Variants in DCAF8L2 observed in about 807,000 individuals in gnomAD.
DCAF8L2 encodes DDB1- and CUL4-associated factor 8-like protein 2.
For synonymous variants in DCAF8L2, 200 were observed against 190.9 expected, an observed-to-expected ratio of 1.05 and a Z score of -0.39; for missense variants, 430 against 490.7, an observed-to-expected ratio of 0.88 and a Z score of 1.17.
chrX:27,560,740 A>G, the DCAF8L2 span, among the ~76,000 whole-genome samples: 1 of 112,369 alleles, frequency 8.9e-6, no homozygotes, highest in East Asian at 2.8e-4. Flanking sequence ...ATCAGGGGCC[A>G]GTAACACACT....
intron 1 of DCAF8L2, among the ~76,000 whole-genome samples, chrX:27,605,892 C>G (rs1218066571): frequency 9.0e-6 from 1 of 110,856 alleles, no homozygotes; most frequent in African/African-American, 3.3e-5. Context: ...CCTCTTGAAA[C>G]TGGACAGTCC....
chrX:27,694,449 T>G (rs1181961925), intron 3 of DCAF8L2, among the ~76,000 whole-genome samples: 2 of 111,525 alleles, frequency 1.8e-5, no homozygotes, highest in African/African-American at 6.5e-5. Flanking sequence ...ACTTTAAAAA[T>G]ATTAACATTT....
the DCAF8L2 span, among the ~76,000 whole-genome samples, chrX:27,524,402 T>G: frequency 8.9e-6 from 1 of 112,070 alleles, no homozygotes; most frequent in Non-Finnish European, 1.9e-5. Flanking sequence ...TTATTGCATC[T>G]ATTTGATTTT....
At chrX:27,492,629 G>A in the DCAF8L2 span, among the ~76,000 whole-genome samples, 5 of 100,780 alleles carry the variant, frequency 5.0e-5, no homozygotes, top group South Asian at 1.7e-3. Context: ...ACAGGCATGC[G>A]CCACCATGCC....
At chrX:27,540,246 T>C in the DCAF8L2 span, among the ~76,000 whole-genome samples, 2 of 111,617 alleles carry the variant, frequency 1.8e-5, no homozygotes, top group Non-Finnish European at 3.8e-5. Context: ...AAAAGACATT[T>C]TTCCTTCCCT....
At chrX:27,617,355 T>C (rs1254494101) in intron 1 of DCAF8L2, among the ~76,000 whole-genome samples, 1 of 110,831 alleles carries the variant, frequency 9.0e-6, no homozygotes, top group East Asian at 2.9e-4. Context: ...GGGAAATGTA[T>C]GTGCTCTATC....
chrX:27,533,586 T>C, the DCAF8L2 span, among the ~76,000 whole-genome samples: 2 of 111,892 alleles, frequency 1.8e-5, no homozygotes, highest in African/African-American at 3.2e-5. Flanking sequence ...GAGTCAAATA[T>C]GCATTGTGTA....
intron 4 of DCAF8L2, among the ~76,000 whole-genome samples, chrX:27,728,344 T>G (rs189585420): frequency 1.2e-4 from 13 of 111,421 alleles, no homozygotes; most frequent in African/African-American, 4.2e-4. Flanking sequence ...GTTGTTGTTT[T>G]GCTTTCCTCT....
At chrX:27,663,124 A>G (rs1929615722) in intron 2 of DCAF8L2, among the ~76,000 whole-genome samples, 1 of 111,950 alleles carries the variant, frequency 8.9e-6, no homozygotes, top group African/African-American at 3.2e-5. Context: ...ATAGCATAAA[A>G]TAAATTATAG....
chrX:27,608,544 T>C (rs1927012706), intron 1 of DCAF8L2, among the ~76,000 whole-genome samples: 1 of 111,637 alleles, frequency 9.0e-6, no homozygotes, highest in Non-Finnish European at 1.9e-5. Flanking sequence ...ATTTACAGAA[T>C]GGATACTGCA....
chrX:27,561,373 T>C, the DCAF8L2 span, among the ~76,000 whole-genome samples: 1 of 112,231 alleles, frequency 8.9e-6, no homozygotes, highest in Non-Finnish European at 1.9e-5. Context: ...ATCTTATTTT[T>C]AAATGAGGGA....
the DCAF8L2 span, among the ~76,000 whole-genome samples, chrX:27,550,838 T>C: frequency 1.8e-5 from 2 of 110,633 alleles, no homozygotes. Context: ...TTTACACAAT[T>C]AAGGGTTTGG....
chrX:27,507,634 A>C, the DCAF8L2 span, among the ~76,000 whole-genome samples: 1 of 111,932 alleles, frequency 8.9e-6, no homozygotes, highest in Admixed American at 9.6e-5. Context: ...ACATGCTAAT[A>C]ATTCTTCTAA....
At chrX:27,722,422 C>CT (rs1314276262) in intron 4 of DCAF8L2, among the ~76,000 whole-genome samples, 1 of 111,376 alleles carries the variant, frequency 9.0e-6, no homozygotes, top group East Asian at 2.8e-4. Context: ...GTGCTCGAAG[C>CT]TCTTACATTA....
the DCAF8L2 span, among the ~76,000 whole-genome samples, chrX:27,513,464 TG>T: frequency 1.8e-5 from 2 of 111,799 alleles, no homozygotes; most frequent in African/African-American, 6.5e-5. Context: ...CCCAGCACTT[TG>T]GGAGGCCGAG....
chrX:27,598,994 A>G (rs1408220673), intron 1 of DCAF8L2, among the ~76,000 whole-genome samples: 1 of 103,400 alleles, frequency 9.7e-6, no homozygotes, highest in Non-Finnish European at 1.9e-5. Flanking sequence ...TATATATATG[A>G]TCCAGCAATT....
the DCAF8L2 span, among the ~76,000 whole-genome samples, chrX:27,556,668 T>C: frequency 2.7e-5 from 3 of 110,234 alleles, no homozygotes; most frequent in African/African-American, 9.9e-5. Context: ...TGATAAAGAG[T>C]CGAAGACTAG....
At chrX:27,585,255 C>T in the DCAF8L2 span, among the ~76,000 whole-genome samples, 2 of 110,987 alleles carry the variant, frequency 1.8e-5, no homozygotes, top group African/African-American at 6.5e-5. Flanking sequence ...TATTTTAGTC[C>T]TAATCTTACT....
chrX:27,687,071 T>C (rs748437131), intron 3 of DCAF8L2, among the ~76,000 whole-genome samples: 2 of 111,822 alleles, frequency 1.8e-5, no homozygotes, highest in East Asian at 2.8e-4. Context: ...CAGGTACCAG[T>C]ACATGACCCA....
Sources: allele counts gnomAD v4.1 joint callset (sites outside exome capture counted in the v4.1 genomes callset), GRCh38; gene constraint gnomAD v4.1.1; transcripts MANE v1.5; gene names NCBI Gene and HGNC (gene_info 2026-07-23, HGNC 2026-07-21).